The following ATF2 variants were observed in gnomAD, a reference collection of about 807,000 sequenced individuals.
ATF2 encodes the protein cyclic AMP-dependent transcription factor ATF-2.
In ATF2, 24 loss-of-function variants were observed where a neutral mutation model predicts 60.6. The ratio of observed to expected loss-of-function variants is 0.40; its 90% CI spans 0.29 to 0.56. The LOEUF is 0.56. Ranked by LOEUF, ATF2 falls within the 20% of genes least tolerant of loss-of-function variation. The probability of loss-of-function intolerance (pLI) is 0.54; values close to 1 mark genes in which losing one functional copy is unlikely to be tolerated. For missense variants in ATF2, 433 were observed against 607.7 expected (o/e 0.71, Z 3.02); for synonymous variants, 206 against 215.4 (o/e 0.96, Z 0.38).
At chr2:175,164,026 T>G (rs1376581442) in intron 1 of ATF2, among the ~76,000 whole-genome samples, 1 of 149,078 alleles carries the variant, frequency 6.7e-6, no homozygotes, top group Admixed American at 6.7e-5. Context: ...TATAATTATA[T>G]AATATGTAAC....
chr2:175,146,845 G>A (rs768809105), intron 2 of ATF2, among the ~76,000 whole-genome samples: 5 of 152,094 alleles, frequency 3.3e-5, no homozygotes, highest in Admixed American at 6.6e-5. Flanking sequence ...ACAGTCTCAG[G>A]CATCCACTGG....
At chr2:175,078,518 T>C (rs1453151171) in intron 13 of ATF2, among the ~76,000 whole-genome samples, 2 of 152,202 alleles carry the variant, frequency 1.3e-5, no homozygotes, top group African/African-American at 2.4e-5. Flanking sequence ...CTAACTGTCA[T>C]GGTTTTCCCA....
chr2:175,120,916 C>G (rs746377364), intron 5 of ATF2, among the ~76,000 whole-genome samples: 1 of 151,640 alleles, frequency 6.6e-6, no homozygotes. Flanking sequence ...TGATACTGTA[C>G]GTTCATAGTG....
At chr2:175,109,057 A>C (rs569678023) in intron 10 of ATF2, among the ~76,000 whole-genome samples, 1 of 151,580 alleles carries the variant, frequency 6.6e-6, no homozygotes, top group Non-Finnish European at 1.5e-5. Flanking sequence ...GGTCCTCTGC[A>C]TAGGAAAACC....
intron 11 of ATF2, among the ~76,000 whole-genome samples, chr2:175,093,832 G>T (rs1694719587): frequency 1.3e-5 from 2 of 151,996 alleles, no homozygotes; most frequent in African/African-American, 4.8e-5. Context: ...GAAATTTAGG[G>T]TCAGTCTTTT....
chr2:175,117,987 A>C lies in ATF2; in HGVS notation c.447+3T>G, dbSNP rs1696699839. The C allele has an allele frequency of 1.3e-6, 2 of 1,591,814 alleles. No individual in the cohort carries two copies. Among genetic ancestry groups the C allele is most frequent in the Non-Finnish European group, 1.7e-6 (2 of 1,172,776 alleles). On this transcript the variant is annotated splice_donor_region_variant and intron_variant, in intron 7 of 13. Transcript: ENST00000264110. ...TTACTTTGTATTTCTAAAAATTTCT[A>C]ACCTTCTCATCACTGGTAGTAGACT...
chr2:175,146,665 T>C (rs1000964376), intron 2 of ATF2, among the ~76,000 whole-genome samples: 1 of 152,224 alleles, frequency 6.6e-6, no homozygotes, highest in Admixed American at 6.5e-5. Context: ...AAACAATTCA[T>C]AGGCTTTAAA....
At chr2:175,156,104 C>T (rs1437982818) in intron 1 of ATF2, among the ~76,000 whole-genome samples, 1 of 152,140 alleles carries the variant, frequency 6.6e-6, no homozygotes, top group African/African-American at 2.4e-5. Context: ...GCCATGGTGG[C>T]TCACACCTGT....
At chr2:175,137,410 T>C (rs1698215385) in intron 2 of ATF2, among the ~76,000 whole-genome samples, 1 of 152,172 alleles carries the variant, frequency 6.6e-6, no homozygotes, top group Non-Finnish European at 1.5e-5. Flanking sequence ...GCTTCTGTCA[T>C]TACAAGTAGA....
chr2:175,118,014 T>C lies in ATF2; in HGVS notation c.423A>G (p.Pro141=). 1 of 1,610,246 alleles carries C rather than the reference T, an allele frequency of 6.2e-7. No individual in the cohort carries two copies. The highest frequency in any genetic ancestry group is 8.5e-7 in the Non-Finnish European group (1 of 1,178,086). ...TTHQDSPLPH[P]ESTTSDEKEV... ...CCTTCTCATCACTGGTAGTAGACTC[T>C]GGGTGAGGTAAAGGACTATCCTGGT... Residue 141 remains proline (P), a synonymous_variant, in exon 7 of 14, where the codon CCA becomes CCG. Transcript: ENST00000264110.
chr2:175,148,886 C>G (rs1699124148), intron 2 of ATF2, among the ~76,000 whole-genome samples: 1 of 152,064 alleles, frequency 6.6e-6, no homozygotes, highest in Non-Finnish European at 1.5e-5. Flanking sequence ...CTTTCTGGAC[C>G]CAATCAATGC....
chr2:175,096,431 G>A (rs1694942428), intron 11 of ATF2, among the ~76,000 whole-genome samples: 1 of 152,156 alleles, frequency 6.6e-6, no homozygotes. Flanking sequence ...GTGTGTATAT[G>A]TGTGAATATT....
chr2:175,132,940 G>T (rs1045187041), intron 3 of ATF2, among the ~76,000 whole-genome samples: 2 of 151,940 alleles, frequency 1.3e-5, no homozygotes, highest in Non-Finnish European at 2.9e-5. Context: ...TAAAAAATAA[G>T]CTGGGCATGG....
chr2:175,106,785 G>A (rs181823061), intron 10 of ATF2, among the ~76,000 whole-genome samples: 2 of 152,060 alleles, frequency 1.3e-5, no homozygotes, highest in Admixed American at 6.5e-5. Flanking sequence ...GCAGTGAACT[G>A]AGACTGTGCC....
At chr2:175,154,552 CATT>C (rs1204880313) in intron 1 of ATF2, among the ~76,000 whole-genome samples, 12 of 152,040 alleles carry the variant, frequency 7.9e-5, no homozygotes, top group South Asian at 2.1e-4. Context: ...CCAGTAACAT[CATT>C]GTTTATCAAA....
chr2:175,136,285 T>C, intron 3 of ATF2, 127 bp downstream of exon 3: 3 of 880,686 alleles, frequency 3.4e-6, no homozygotes, highest in Non-Finnish European at 5.6e-6. Flanking sequence ...AACTACATAC[T>C]AAGTAAGTGA....
chr2:175,141,000 A>G (rs12997553), intron 2 of ATF2, among the ~76,000 whole-genome samples: 3 of 9,044 alleles, frequency 3.3e-4, no homozygotes, highest in Non-Finnish European at 6.5e-4. Flanking sequence ...CTATCTCAGG[A>G]AAAAAAAAAA....
intron 12 of ATF2, among the ~76,000 whole-genome samples, chr2:175,086,434 A>G (rs1282335636): frequency 2.0e-5 from 3 of 152,168 alleles, no homozygotes; most frequent in Non-Finnish European, 2.9e-5. Context: ...GTACAGCCCT[A>G]GTAAGTATAA....
intron 11 of ATF2, among the ~76,000 whole-genome samples, chr2:175,093,649 CA>C (rs1383485706): frequency 1.4e-4 from 22 of 152,036 alleles, no homozygotes; most frequent in African/African-American, 5.3e-4. Flanking sequence ...ATAAATTTCT[CA>C]AAACGTTTAA....
Sources: gnomAD v4.1 joint callset for allele counts (sites outside exome capture counted in the v4.1 genomes callset) on GRCh38, gnomAD v4.1.1 for gene constraint, MANE v1.5 for transcripts, NCBI Gene and HGNC (gene_info 2026-07-23, HGNC 2026-07-21) for gene names.